The following ASCC1 variants were observed in gnomAD, a reference collection of about 807,000 sequenced individuals.
ASCC1 encodes the protein activating signal cointegrator 1 complex subunit 1, also known as ASC-1 complex subunit P50.
ASCC1 carries 35 observed loss-of-function variants against 46.6 expected under a neutral mutation model. The ratio of observed to expected loss-of-function variants is 0.75; its 90% CI spans 0.57 to 0.99. The LOEUF (loss-of-function observed/expected upper bound fraction) is 0.99, where lower values mean the gene tolerates loss of function less well. Among genes scored for constraint, ASCC1 ranks in the 50% least tolerant of loss-of-function variants. ASCC1 has a pLI of 0.00. For missense variants in ASCC1, 376 were observed against 428.7 expected (o/e 0.88, Z 1.09); for synonymous variants, 143 against 146.6 (o/e 0.98, Z 0.18).
chr10:72,113,605 T>C (rs1478606161), intron 9 of ASCC1, among the ~76,000 whole-genome samples: 2 of 152,232 alleles, frequency 1.3e-5, no homozygotes, highest in Non-Finnish European at 2.9e-5. Flanking sequence ...AAACACAGCT[T>C]AGATTTGAAT....
intron 5 of ASCC1, among the ~76,000 whole-genome samples, chr10:72,189,289 T>A (rs1188916317): frequency 6.6e-6 from 1 of 150,860 alleles, no homozygotes; most frequent in Non-Finnish European, 1.5e-5. Flanking sequence ...GCGCCTGTGG[T>A]CCCAGCTACT....
chr10:72,123,165 G>A (rs1589241118), intron 9 of ASCC1, among the ~76,000 whole-genome samples: 2 of 151,756 alleles, frequency 1.3e-5, no homozygotes, highest in South Asian at 2.1e-4. Flanking sequence ...GTGAAACCCC[G>A]ACTCTACTAA....
intron 3 of ASCC1, among the ~76,000 whole-genome samples, chr10:72,207,356 G>A (rs1346827579): frequency 6.6e-6 from 1 of 152,216 alleles, no homozygotes; most frequent in African/African-American, 2.4e-5. Flanking sequence ...AAAGATTGCA[G>A]TGAGCCCAGA....
intron 7 of ASCC1, among the ~76,000 whole-genome samples, chr10:72,144,705 C>T (rs1589332315): frequency 6.6e-6 from 1 of 151,752 alleles, no homozygotes; most frequent in Non-Finnish European, 1.5e-5. Context: ...AATATCCTGC[C>T]TCTCCCTTGA....
At chr10:72,172,903 ATAT>A (rs1418464677) in intron 5 of ASCC1, among the ~76,000 whole-genome samples, 9 of 134,366 alleles carry the variant, frequency 6.7e-5, no homozygotes, top group Non-Finnish European at 1.2e-4. Flanking sequence ...TATATATTAT[ATAT>A]TATATTTTTA....
intron 6 of ASCC1, 103 bp from the exon 7 acceptor site, chr10:72,153,091 T>C (rs2132567274): frequency 7.0e-7 from 1 of 1,428,168 alleles, no homozygotes; most frequent in Non-Finnish European, 9.7e-7. Context: ...GTATGTTACT[T>C]ACATGTGTAC....
At chr10:72,106,154 C>G (rs1443139163) in intron 9 of ASCC1, among the ~76,000 whole-genome samples, 1 of 152,130 alleles carries the variant, frequency 6.6e-6, no homozygotes, top group Non-Finnish European at 1.5e-5. Flanking sequence ...CCTCGGTGAA[C>G]TATTTGCTGT....
intron 7 of ASCC1, among the ~76,000 whole-genome samples, chr10:72,143,776 C>G (rs927580056): frequency 6.6e-6 from 1 of 151,084 alleles, no homozygotes; most frequent in African/African-American, 2.4e-5. Flanking sequence ...TCTGCTTGAT[C>G]TACCAATAAT....
intron 5 of ASCC1, among the ~76,000 whole-genome samples, chr10:72,173,930 T>A (rs943243565): frequency 1.3e-4 from 20 of 152,388 alleles, no homozygotes; most frequent in African/African-American, 4.3e-4. Context: ...CTGAAAGTTC[T>A]AATGGTATTG....
intron 9 of ASCC1, among the ~76,000 whole-genome samples, chr10:72,125,746 T>C (rs1006003791): frequency 6.6e-6 from 1 of 152,218 alleles, no homozygotes; most frequent in African/African-American, 2.4e-5. Context: ...TATTAAATAC[T>C]ATACTAAAGG....
chr10:72,199,701 G>A (rs548711156), intron 4 of ASCC1, among the ~76,000 whole-genome samples: 18 of 152,122 alleles, frequency 1.2e-4, no homozygotes, highest in Admixed American at 9.2e-4. Context: ...GAGCTAACAC[G>A]CCTGCCTAGT....
intron 8 of ASCC1, among the ~76,000 whole-genome samples, chr10:72,131,571 C>CA (rs1845612011): frequency 6.6e-6 from 1 of 151,968 alleles, no homozygotes; most frequent in African/African-American, 2.4e-5. Flanking sequence ...CTCTTAATCT[C>CA]AGTGTTCTCA....
At chr10:72,152,182 T>G (rs530546612) in intron 7 of ASCC1, among the ~76,000 whole-genome samples, 2,234 of 150,732 alleles carry the variant, frequency 0.015, 23 homozygotes, top group Non-Finnish European at 0.022. Flanking sequence ...GTTTTTTTTT[T>G]TTTGTTTTTT....
intron 7 of ASCC1, among the ~76,000 whole-genome samples, chr10:72,146,636 C>T (rs182323682): frequency 3.3e-5 from 5 of 152,250 alleles, no homozygotes; most frequent in Admixed American, 6.5e-5. Flanking sequence ...CAGCTGACTC[C>T]TAGCTAATGT....
In ASCC1 at chr10:72,197,906, A is replaced by AAAATAAATAAATAAATAAAT. The variant is rs201913206; in HGVS notation, c.311-937_311-918dup. ...GGGCAACAGAGCTAGACCCTGTCTC[A>AAAATAAATAAATAAATAAAT]AAATAAATAAATAAATAAATAAATA... On this transcript the variant is annotated intron_variant, in intron 4 of 9. Transcript: ENST00000672957. Among the ~76,000 whole-genome samples, 414 of 139,998 alleles carry AAAATAAATAAATAAATAAAT rather than the reference A, an allele frequency of 3.0e-3. 2 individuals are homozygous for AAAATAAATAAATAAATAAAT. The highest frequency in any genetic ancestry group is 0.011 in the African/African-American group (366 of 32,632). 91.8% of individuals were successfully genotyped at this position (139,998 alleles called of 152,430 possible).
At chr10:72,152,171 G>T (rs1224368265) in intron 7 of ASCC1, among the ~76,000 whole-genome samples, 1 of 141,052 alleles carries the variant, frequency 7.1e-6, no homozygotes, top group Non-Finnish European at 1.5e-5. Context: ...TTTGTTTTTG[G>T]GTTTTTTTTT....
chr10:72,186,850 C>G (rs930239067), intron 5 of ASCC1, among the ~76,000 whole-genome samples: 1 of 144,556 alleles, frequency 6.9e-6, no homozygotes, highest in South Asian at 2.1e-4. Context: ...CTCATTCTGG[C>G]GAAATCAAAG....
intron 5 of ASCC1, among the ~76,000 whole-genome samples, chr10:72,194,467 T>C (rs958821918): frequency 1.3e-5 from 2 of 151,868 alleles, no homozygotes; most frequent in East Asian, 3.9e-4. Context: ...TGCTATAAGA[T>C]TTCCTGAAGG....
intron 1 of ASCC1, among the ~76,000 whole-genome samples, chr10:72,214,203 AC>A (rs1313841092): frequency 1.6e-3 from 242 of 151,988 alleles, no homozygotes; most frequent in African/African-American, 5.6e-3. Context: ...AACAACAACA[AC>A]AACAAAAAAA....
Sources: allele counts gnomAD v4.1 joint callset (sites outside exome capture counted in the v4.1 genomes callset), GRCh38; gene constraint gnomAD v4.1.1; transcripts MANE v1.5; gene names NCBI Gene and HGNC (gene_info 2026-07-23, HGNC 2026-07-21).